Variants in GRIK2 observed in about 807,000 individuals in gnomAD.
GRIK2 encodes glutamate ionotropic receptor kainate type subunit 2.
A neutral mutation model predicts 100.3 loss-of-function variants in GRIK2; 32 were observed. That is an observed-to-expected ratio of 0.32 (90% CI 0.24 to 0.43). The LOEUF (loss-of-function observed/expected upper bound fraction) is 0.43. Among genes scored for constraint, GRIK2 ranks in the 20% least tolerant of loss-of-function variants. The pLI, the probability that GRIK2 is intolerant of heterozygous loss-of-function variation, is 1.00. For missense variants in GRIK2, 843 were observed against 1,114.9 expected, an observed-to-expected ratio of 0.76 and a Z score of 3.47; for synonymous variants, 417 against 389.4, an observed-to-expected ratio of 1.07 and a Z score of -0.83.
chr6:101,988,126 TGTGTGTGCGCGCGC>T (rs1275376355), intron 14 of GRIK2, among the ~76,000 whole-genome samples: 337 of 17,196 alleles, frequency 0.02, 1 homozygote, highest in Admixed American at 0.038. Context: ...TGTGTGTGTG[TGTGTGTGCGCGCGC>T]GCGCGCGCGC....
intron 2 of GRIK2, among the ~76,000 whole-genome samples, chr6:101,446,767 A>G (rs1770402054): frequency 6.7e-6 from 1 of 149,170 alleles, no homozygotes; most frequent in African/African-American, 2.5e-5. Context: ...TTAAATGCCA[A>G]AACAATTTTC....
intron 9 of GRIK2, among the ~76,000 whole-genome samples, chr6:101,807,207 A>G (rs1430253529): frequency 6.6e-6 from 1 of 151,912 alleles, no homozygotes; most frequent in Admixed American, 6.6e-5. Context: ...TCAAGGGATC[A>G]GTGGGTTGGG....
In GRIK2 at chr6:101,725,588, C is replaced by A. The variant is rs535722453; in HGVS notation, c.951+39235C>A. Among the ~76,000 whole-genome samples, 5 of 152,002 alleles carry A rather than the reference C, an allele frequency of 3.3e-5. No individual in the cohort carries two copies. The South Asian group carries it at 1.0e-3, about 31-fold the overall frequency. On this transcript the variant is annotated intron_variant, in intron 7 of 16. Transcript: ENST00000369134. ...TTTTCTTTTATGTTCTTGAGTAAATCATCTCAGAAAAGATGTAATATTTTT... is the reference window on the plus strand; with the variant it reads ...TTTTCTTTTATGTTCTTGAGTAAATAATCTCAGAAAAGATGTAATATTTTT...
intron 15 of GRIK2, among the ~76,000 whole-genome samples, chr6:102,047,100 A>C (rs1770931519): frequency 1.3e-5 from 2 of 152,128 alleles, no homozygotes; most frequent in Non-Finnish European, 2.9e-5. Context: ...AAATGCCTCT[A>C]CTTAAAAAGA....
chr6:101,910,698 T>A (rs1213425480), intron 12 of GRIK2, among the ~76,000 whole-genome samples: 1 of 151,400 alleles, frequency 6.6e-6, no homozygotes. Flanking sequence ...GATCTGCCTT[T>A]TAAATAATAG....
At chr6:101,810,899 G>A (rs147164082) in intron 9 of GRIK2, among the ~76,000 whole-genome samples, 1 of 152,020 alleles carries the variant, frequency 6.6e-6, no homozygotes, top group African/African-American at 2.4e-5. Flanking sequence ...AGAAACCCAG[G>A]TTTTCAGAAA....
At chr6:101,743,125 A>G (rs1260956776) in intron 7 of GRIK2, among the ~76,000 whole-genome samples, 1 of 152,188 alleles carries the variant, frequency 6.6e-6, no homozygotes, top group Non-Finnish European at 1.5e-5. Flanking sequence ...CTGGACAACA[A>G]AAGGTCACCT....
intron 7 of GRIK2, among the ~76,000 whole-genome samples, chr6:101,795,317 C>G (rs1780221612): frequency 6.6e-6 from 1 of 152,136 alleles, no homozygotes. Flanking sequence ...TCAGTGGTGT[C>G]TGTGATTTCC....
chr6:101,639,459 T>C (rs1781181157), intron 4 of GRIK2, among the ~76,000 whole-genome samples: 1 of 152,106 alleles, frequency 6.6e-6, no homozygotes, highest in Non-Finnish European at 1.5e-5. Context: ...ATCACTTATT[T>C]TTAGTTAAGT....
At chr6:101,771,691 C>A (rs1460258907) in intron 7 of GRIK2, among the ~76,000 whole-genome samples, 10 of 114,698 alleles carry the variant, frequency 8.7e-5, no homozygotes, top group Non-Finnish European at 1.5e-4. Context: ...CCTCCCCCCA[C>A]CCCACAACAG....
At chr6:101,921,754 T>A (rs1789535120) in intron 12 of GRIK2, among the ~76,000 whole-genome samples, 1 of 152,088 alleles carries the variant, frequency 6.6e-6, no homozygotes, top group African/African-American at 2.4e-5. Context: ...GACTTACCTT[T>A]CCTCACTATT....
intron 11 of GRIK2, among the ~76,000 whole-genome samples, chr6:101,863,188 CATAT>C (rs1714445381): frequency 6.6e-6 from 1 of 152,164 alleles, no homozygotes; most frequent in Admixed American, 6.5e-5. Flanking sequence ...TCCAGGAATG[CATAT>C]ATACATTTTA....
At chr6:101,551,061 T>C (rs748841770) in intron 2 of GRIK2, among the ~76,000 whole-genome samples, 2 of 152,192 alleles carry the variant, frequency 1.3e-5, no homozygotes, top group African/African-American at 2.4e-5. Context: ...TCTGCAAAGA[T>C]TGGCAGCTAT....
chr6:101,947,447 T>C (rs1791350197), intron 14 of GRIK2, among the ~76,000 whole-genome samples: 2 of 152,200 alleles, frequency 1.3e-5, no homozygotes, highest in Admixed American at 1.3e-4. Context: ...TTTAAAAAAT[T>C]GTATGCAGTC....
intron 2 of GRIK2, among the ~76,000 whole-genome samples, chr6:101,483,851 T>G (rs917649559): frequency 1.3e-5 from 2 of 152,240 alleles, no homozygotes; most frequent in Non-Finnish European, 2.9e-5. Flanking sequence ...ATTATGGGCG[T>G]GAGCCACCAT....
intron 2 of GRIK2, among the ~76,000 whole-genome samples, chr6:101,562,634 T>C (rs1478137236): frequency 6.6e-6 from 1 of 152,022 alleles, no homozygotes; most frequent in African/African-American, 2.4e-5. Context: ...TGAGCCACCG[T>C]GCCCGGCCAG....
chr6:101,407,284 A>G (rs930369295), intron 2 of GRIK2, among the ~76,000 whole-genome samples: 2 of 152,082 alleles, frequency 1.3e-5, no homozygotes, highest in Non-Finnish European at 2.9e-5. Context: ...AGAATCCTGG[A>G]TTATCTAAGC....
intron 7 of GRIK2, among the ~76,000 whole-genome samples, chr6:101,757,196 TA>T (rs1777188572): frequency 6.6e-6 from 1 of 152,198 alleles, no homozygotes. Context: ...AGCCACTTGT[TA>T]CATTATCTAT....
intron 7 of GRIK2, among the ~76,000 whole-genome samples, chr6:101,792,557 G>C (rs1387908770): frequency 6.6e-6 from 1 of 152,062 alleles, no homozygotes; most frequent in East Asian, 1.9e-4. Flanking sequence ...CTGGCTTGTA[G>C]AGTTTCTGCC....
Sources: allele counts gnomAD v4.1 joint callset (sites outside exome capture counted in the v4.1 genomes callset), GRCh38; gene constraint gnomAD v4.1.1; transcripts MANE v1.5; gene names NCBI Gene and HGNC (gene_info 2026-07-23, HGNC 2026-07-21).